PREX2: variants seen among roughly 807,000 people sequenced by gnomAD.
PREX2 encodes phosphatidylinositol-3,4,5-trisphosphate dependent Rac exchange factor 2, also known as phosphatidylinositol 3,4,5-trisphosphate-dependent Rac exchanger 2 protein.
In PREX2, 107 loss-of-function variants were observed where a neutral mutation model predicts 203.2. The ratio of observed to expected loss-of-function variants is 0.53; its 90% CI spans 0.45 to 0.62. The LOEUF is 0.62. Among genes scored for constraint, PREX2 ranks in the 20% least tolerant of loss-of-function variants. The pLI is 0.00. For missense variants in PREX2, 1,777 were observed against 1,955.9 expected, an observed-to-expected ratio of 0.91 and a Z score of 1.72; for synonymous variants, 672 against 663.6, an observed-to-expected ratio of 1.01 and a Z score of -0.19.
At chr8:68,009,601 A>G (rs1193901236) in intron 1 of PREX2, among the ~76,000 whole-genome samples, 1 of 152,232 alleles carries the variant, frequency 6.6e-6, no homozygotes, top group Non-Finnish European at 1.5e-5. Context: ...AGCTGACACC[A>G]TGAAACATAC....
At chr8:68,163,324 A>T (rs950518341) in intron 35 of PREX2, among the ~76,000 whole-genome samples, 8 of 152,230 alleles carry the variant, frequency 5.3e-5, no homozygotes, top group African/African-American at 1.9e-4. Context: ...CATGTGGCTG[A>T]AGCCCTTACT....
At chr8:68,225,362 A>G (rs1279532722) in intron 39 of PREX2, among the ~76,000 whole-genome samples, 2 of 152,240 alleles carry the variant, frequency 1.3e-5, no homozygotes, top group African/African-American at 4.8e-5. Context: ...GAACATAAAT[A>G]ATAGCCATCA....
At position 68,069,843 on chromosome 8, in the gene PREX2, A is replaced by T. The variant is rs141678446; in HGVS notation, c.1452A>T (p.Arg484Ser). ...ATCTCTATTTTACGTAGGGTGTAAG[A>T]TTATATTGTCGTCTTCATAGCCTTT... ...EMQDVISKGV[R>S]LYCRLHSLFT... The change falls in exon 13 of 40, where the codon AGA becomes AGT. Residue 484 changes from arginine to serine, a missense_variant. Arg to Ser is a moderately radical substitution (Grantham distance 110). Transcript: ENST00000288368. 6.5e-6 allele frequency: 10 copies of T among 1,539,286 alleles called. No individual in the cohort carries two copies. In the African/African-American group the frequency reaches 1.1e-4, roughly 17 times the overall value.
At chr8:68,102,987 A>G (rs765250914) in intron 23 of PREX2, 1 of 512,824 alleles carries the variant, frequency 1.9e-6, no homozygotes, top group South Asian at 1.4e-5. Flanking sequence ...TGTCCTGGAA[A>G]CGCTTCTTTG....
intron 8 of PREX2, among the ~76,000 whole-genome samples, chr8:68,052,400 C>T (rs1176448686): frequency 6.6e-6 from 1 of 151,984 alleles, no homozygotes; most frequent in Non-Finnish European, 1.5e-5. Flanking sequence ...TTTTCAAACC[C>T]AGCATGACAG....
intron 25 of PREX2, among the ~76,000 whole-genome samples, chr8:68,113,276 A>G (rs1054310798): frequency 3.3e-5 from 5 of 152,246 alleles, no homozygotes; most frequent in Non-Finnish European, 5.9e-5. Context: ...TCTGAATACA[A>G]TTCATATAAC....
intron 23 of PREX2, chr8:68,105,529 C>G: frequency 8.7e-7 from 1 of 1,151,106 alleles, no homozygotes. Flanking sequence ...CCGATTACTC[C>G]ATTAACACTT....
At chr8:67,987,215 T>C (rs566530179) in intron 1 of PREX2, among the ~76,000 whole-genome samples, 1 of 151,020 alleles carries the variant, frequency 6.6e-6, no homozygotes, top group Admixed American at 6.6e-5. Flanking sequence ...ATTTCTTTGC[T>C]CCTTTTTCAA....
chr8:68,177,051 T>C (rs1811994411), intron 35 of PREX2: 1 of 152,972 alleles, frequency 6.5e-6, no homozygotes, highest in African/African-American at 2.4e-5. Flanking sequence ...AAAAGATAAT[T>C]GCCCAGATCT....
chr8:68,126,104 T>C (rs1348239814), intron 30 of PREX2, among the ~76,000 whole-genome samples: 1 of 152,116 alleles, frequency 6.6e-6, no homozygotes, highest in Non-Finnish European at 1.5e-5. Context: ...AAAATCTCTG[T>C]AGGCTAGATT....
intron 35 of PREX2, among the ~76,000 whole-genome samples, chr8:68,165,603 C>G (rs1329941669): frequency 6.6e-6 from 1 of 151,916 alleles, no homozygotes; most frequent in African/African-American, 2.4e-5. Context: ...TAGGGAATTC[C>G]CTGTGGTGGT....
rs568460435 is a variant in PREX2, at chr8:68,028,300, A to G, written c.543+977A>G. ...AACTATTTTATATAAATCAATTAGC[A>G]TAGTCTGTGCTTTATAAGTATTAGC... On this transcript the variant is annotated intron_variant, in intron 5 of 39. Transcript: ENST00000288368. Among the ~76,000 whole-genome samples the G allele has an allele frequency of 7.5e-4, 114 of 152,006 alleles. No homozygotes were observed. In the Middle Eastern group the frequency reaches 0.014, roughly 19 times the overall value.
At chr8:68,165,970 T>C (rs1337907204) in intron 35 of PREX2, among the ~76,000 whole-genome samples, 1 of 152,198 alleles carries the variant, frequency 6.6e-6, no homozygotes, top group Non-Finnish European at 1.5e-5. Flanking sequence ...TTTTAAAGCA[T>C]GCTGTGTAAA....
chr8:68,073,251 C>T (rs1809251176), intron 14 of PREX2, among the ~76,000 whole-genome samples: 1 of 150,246 alleles, frequency 6.7e-6, no homozygotes, highest in African/African-American at 2.5e-5. Flanking sequence ...ATGTGTTTCA[C>T]TGATTAAAGA....
intron 1 of PREX2, among the ~76,000 whole-genome samples, chr8:67,989,693 C>T (rs1033871579): frequency 6.6e-6 from 1 of 152,120 alleles, no homozygotes; most frequent in African/African-American, 2.4e-5. Flanking sequence ...CTTTGTTATT[C>T]TTTAATTATT....
intron 35 of PREX2, among the ~76,000 whole-genome samples, chr8:68,161,075 CT>C (rs1312260365): frequency 2.0e-5 from 3 of 151,504 alleles, no homozygotes; most frequent in Non-Finnish European, 4.4e-5. Flanking sequence ...TTAAAATTTT[CT>C]TTTCTTTTCT....
At chr8:68,221,840 T>G (rs1812960021) in intron 38 of PREX2, among the ~76,000 whole-genome samples, 1 of 152,210 alleles carries the variant, frequency 6.6e-6, no homozygotes, top group South Asian at 2.1e-4. Context: ...CAAAAAGCAT[T>G]GTACACAAAT....
At chr8:68,186,016 C>G (rs917184449) in intron 35 of PREX2, among the ~76,000 whole-genome samples, 3 of 125,452 alleles carry the variant, frequency 2.4e-5, no homozygotes, top group Admixed American at 1.5e-4. Context: ...CATTGCAAGA[C>G]TTTTTTAATT....
chr8:68,050,062 G>GTATATATATA (rs528671209), intron 8 of PREX2, among the ~76,000 whole-genome samples: 1,595 of 151,266 alleles, frequency 0.011, 24 homozygotes, highest in African/African-American at 0.037. Context: ...ATGTATGTGT[G>GTATATATATA]TATATATATA....
Sources: allele counts gnomAD v4.1 joint callset (sites outside exome capture counted in the v4.1 genomes callset), GRCh38; gene constraint gnomAD v4.1.1; transcripts MANE v1.5; gene names NCBI Gene and HGNC (gene_info 2026-07-23, HGNC 2026-07-21).